The following ADA variants were observed in gnomAD, a reference collection of about 807,000 sequenced individuals.
ADA encodes adenosine aminohydrolase.
ADA carries 45 observed loss-of-function variants against 49.0 expected under a neutral mutation model. The ratio of observed to expected loss-of-function variants is 0.92; its 90% CI spans 0.72 to 1.18. The LOEUF (loss-of-function observed/expected upper bound fraction) is 1.18. ADA is among the 50% of genes most tolerant of loss of function. The pLI is 0.00. For missense variants in ADA, 445 were observed against 472.5 expected, an observed-to-expected ratio of 0.94 and a Z score of 0.54; for synonymous variants, 173 against 184.2, an observed-to-expected ratio of 0.94 and a Z score of 0.49.
At chr20:44,632,677 C>T (rs977011397) in intron 2 of ADA, among the ~76,000 whole-genome samples, 2 of 152,120 alleles carry the variant, frequency 1.3e-5, no homozygotes, top group Non-Finnish European at 2.9e-5. Flanking sequence ...CTCATAGGGC[C>T]ACCCTCTGTT....
chr20:44,626,563 C>T lies in ADA; in HGVS notation c.255G>A (p.Glu85=), dbSNP rs2145319943. The T allele has an allele frequency of 1.2e-6, 2 of 1,614,192 alleles. No homozygotes were observed. Among genetic ancestry groups the T allele is most frequent in the South Asian group, 1.1e-5 (1 of 91,074 alleles). ...CCTCTTTGGCCTTCATCTCTACAAA[C>T]TCATAGGCGATCCTTTTGATAGCCT... ...CREAIKRIAY[E]FVEMKAKEGV... The change falls in exon 4 of 12, where the codon GAG becomes GAA. Residue 85 remains glutamate, a synonymous_variant. Transcript: ENST00000372874.
Position 44,649,579 on chromosome 20 carries a change from G to C in ADA, c.33+1996C>G, listed in dbSNP as rs2145363375. On this transcript the variant is annotated intron_variant, in intron 1 of 11. Coordinates refer to ENST00000372874, the MANE Select transcript of ADA (RefSeq NM_000022.4). ...TGAATCAGATGGGAGGACTGAGCAA[G>C]GCCAAAAAATGGGGATAATAATATG... 1.3e-5 allele frequency among the ~76,000 whole-genome samples: 2 copies of C among 152,086 alleles called. 1 individual carries two copies. Among genetic ancestry groups the C allele is most frequent in the Admixed American group, 1.3e-4 (2 of 15,284 alleles).
intron 6 of ADA, 58 bp downstream of exon 6, chr20:44,624,144 T>C: frequency 3.8e-6 from 6 of 1,559,174 alleles, no homozygotes; most frequent in Non-Finnish European, 5.2e-6. Flanking sequence ...CTCCCAACTA[T>C]GGGTGGGAGA....
chr20:44,651,446 A>G lies in ADA; in HGVS notation c.33+129T>C. On this transcript the variant is annotated intron_variant, in intron 1 of 11. Transcript: ENST00000372874. ...CGCAAGCAAGCCACGGCCTAAGCCGAAGGAAGAACTCGCCTGCAGGAGCCC... is the reference window on the plus strand; with the variant it reads ...CGCAAGCAAGCCACGGCCTAAGCCGGAGGAAGAACTCGCCTGCAGGAGCCC... The G allele has an allele frequency of 3.1e-6, 3 of 958,748 alleles. No homozygotes were observed. The South Asian group carries it at 4.5e-5, about 14-fold the overall frequency. 59.4% of individuals were successfully genotyped at this position (958,748 alleles called of 1,614,324 possible).
chr20:44,623,100 C>G (rs1297321522), intron 6 of ADA, 22 bp from the exon 7 acceptor site: 5 of 1,613,570 alleles, frequency 3.1e-6, no homozygotes, highest in Non-Finnish European at 4.2e-6. Context: ...AGAGCCAGGT[C>G]ATGGGTGCCC....
intron 5 of ADA, among the ~76,000 whole-genome samples, chr20:44,625,180 G>C (rs1384907100): frequency 6.6e-6 from 1 of 152,206 alleles, no homozygotes; most frequent in Non-Finnish European, 1.5e-5. Context: ...TCAGTGACAA[G>C]GGAGACCCCT....
At chr20:44,623,548 C>A (rs535911759) in intron 6 of ADA, among the ~76,000 whole-genome samples, 1 of 152,252 alleles carries the variant, frequency 6.6e-6, no homozygotes, top group African/African-American at 2.4e-5. Context: ...GAAACAGAGG[C>A]CCAGAGAAGA....
intron 3 of ADA, among the ~76,000 whole-genome samples, chr20:44,627,928 C>G (rs1310839787): frequency 6.6e-6 from 1 of 150,654 alleles, no homozygotes; most frequent in Non-Finnish European, 1.5e-5. Flanking sequence ...TAAACCCCAC[C>G]CGGGTCAGTG....
rs1430216154 is a variant in ADA, at chr20:44,620,619, T to C, written c.976-218A>G. 3 of 619,572 alleles carry C rather than the reference T, an allele frequency of 4.8e-6. No individual in the cohort carries two copies. In the East Asian group the frequency reaches 8.6e-5, roughly 18 times the overall value. The allele number at this position is 619,572 out of a possible 1,614,324, so 38.4% of individuals were successfully genotyped here. A position where few individuals can be genotyped will look rare whatever the true frequency, so the allele number is the denominator to read the frequency against. ...ATGAAAAAGGGCTGTGAGAAGGAAG[T>C]TGGAGAAACCTTTGAGAGACAGGGT... On this transcript the variant is annotated intron_variant, in intron 10 of 11. Coordinates refer to ENST00000372874, the MANE Select transcript of ADA (RefSeq NM_000022.4).
chr20:44,636,197 G>C (rs1321954060), intron 2 of ADA, 30 bp downstream of exon 2: 1 of 1,590,544 alleles, frequency 6.3e-7, no homozygotes, highest in Admixed American at 1.7e-5. Flanking sequence ...TCAAATCCCA[G>C]GGAGAGAGGG....
At position 44,626,543 on chromosome 20, in the gene ADA, T is replaced by C; in HGVS notation, c.275A>G (p.Lys92Arg). 6.2e-7 allele frequency: 1 copy of C among 1,614,192 alleles called. No homozygotes were observed. The highest frequency in any genetic ancestry group is 8.5e-7 in the Non-Finnish European group (1 of 1,180,034). Reference sequence around the variant, plus strand: ...CACCTCCACATACACCACGCCCTCTTTGGCCTTCATCTCTACAAACTCATA... The same window carrying C: ...CACCTCCACATACACCACGCCCTCTCTGGCCTTCATCTCTACAAACTCATA... ...IAYEFVEMKA[K>R]EGVVYVEVRY... The change falls in exon 4 of 12, where the codon AAA (lysine) becomes AGA (arginine). Residue 92 changes from lysine to arginine, a missense_variant. Physicochemically the swap from Lys to Arg is conservative, Grantham distance 26 (BLOSUM62 2). Coordinates refer to ENST00000372874, the MANE Select transcript of ADA (RefSeq NM_000022.4).
rs1600919424 is a variant in ADA at position 44,622,969 on chromosome 20, C to G, written c.678+38G>C. On this transcript the variant is annotated intron_variant, in intron 7 of 11. Transcript: ENST00000372874. ...GAATAGAGCCAAGTATGGGAGGAGG[C>G]AGTGAGGAGGGACCCCATGGCCAGC... The G allele has an allele frequency of 2.2e-5, 35 of 1,614,212 alleles. 1 individual carries two copies. The East Asian group carries it at 7.8e-4, about 36-fold the overall frequency.
intron 1 of ADA, among the ~76,000 whole-genome samples, chr20:44,644,670 G>T (rs558411714): frequency 6.6e-6 from 1 of 152,354 alleles, no homozygotes; most frequent in Admixed American, 6.5e-5. Context: ...TTTAGTGTGA[G>T]GCCAGGAGAC....
At chr20:44,638,616 G>T (rs1311406146) in intron 1 of ADA, among the ~76,000 whole-genome samples, 2 of 152,136 alleles carry the variant, frequency 1.3e-5, no homozygotes, top group African/African-American at 2.4e-5. Flanking sequence ...GTCAACGAAG[G>T]CCTGCGCTCC....
intron 2 of ADA, among the ~76,000 whole-genome samples, chr20:44,633,420 T>C (rs565024350): frequency 1.8e-4 from 28 of 152,276 alleles, no homozygotes; most frequent in Admixed American, 1.6e-3. Context: ...AAACATCCAG[T>C]GTGGACTAAG....
intron 1 of ADA, among the ~76,000 whole-genome samples, chr20:44,647,172 T>C (rs2065599972): frequency 6.6e-6 from 1 of 152,052 alleles, no homozygotes; most frequent in African/African-American, 2.4e-5. Flanking sequence ...CGGTGGCTCA[T>C]GCCTGTAATC....
intron 1 of ADA, among the ~76,000 whole-genome samples, chr20:44,639,525 G>A (rs1036940939): frequency 3.9e-5 from 6 of 152,118 alleles, no homozygotes; most frequent in African/African-American, 1.2e-4. Context: ...CGATTCTCCT[G>A]CCTCAGCCTC....
intron 1 of ADA, among the ~76,000 whole-genome samples, chr20:44,639,619 G>A (rs2065513441): frequency 6.6e-6 from 1 of 152,054 alleles, no homozygotes; most frequent in Admixed American, 6.5e-5. Context: ...CACCATATTG[G>A]CCAGGCTGGT....
intron 5 of ADA, among the ~76,000 whole-genome samples, chr20:44,624,904 C>T (rs1040657525): frequency 1.3e-5 from 2 of 152,252 alleles, no homozygotes; most frequent in Non-Finnish European, 2.9e-5. Context: ...CTCACTCCAC[C>T]TCAGTTTCCT....
Sources: gnomAD v4.1 joint callset for allele counts (sites outside exome capture counted in the v4.1 genomes callset) on GRCh38, gnomAD v4.1.1 for gene constraint, MANE v1.5 for transcripts, NCBI Gene and HGNC (gene_info 2026-07-23, HGNC 2026-07-21) for gene names.